GUCD1: variants seen among roughly 807,000 people sequenced by gnomAD.
GUCD1 encodes protein GUCD1.
GUCD1 carries 17 observed loss-of-function variants against 28.3 expected under a neutral mutation model. The ratio of observed to expected loss-of-function variants is 0.60; its 90% confidence interval spans 0.41 to 0.90. The LOEUF (loss-of-function observed/expected upper bound fraction) is 0.90. GUCD1 is among the 40% of genes least tolerant of loss of function. The pLI is 0.00. For missense variants in GUCD1, 279 were observed against 305.5 expected, an observed-to-expected ratio of 0.91 and a Z score of 0.65; for synonymous variants, 129 against 123.3, an observed-to-expected ratio of 1.05 and a Z score of -0.30.
chr22:24,542,872 C>T lies in GUCD1; in HGVS notation c.*134G>A. The T allele has an allele frequency of 1.5e-6, 1 of 683,456 alleles. No individual in the cohort carries two copies. The allele number at this position is 683,456 out of a possible 1,614,324, so 42.3% of individuals were successfully genotyped here. A position where few individuals can be genotyped will look rare whatever the true frequency, so the allele number is the denominator to read the frequency against. On this transcript the variant is annotated 3_prime_UTR_variant, in exon 6 of 6. Coordinates refer to ENST00000435822, the MANE Select transcript of GUCD1 (RefSeq NM_001284254.2). The stretch of plus-strand genomic sequence containing the variant: ...TGTGCCAGTCTCCGAGTTCCTGGGA[C>T]TCTGCCAGATGGGCTGAGGCTGCAG...
chr22:24,546,839 C>T lies in GUCD1; in HGVS notation c.386+75G>A, dbSNP rs73879081. On this transcript the variant is annotated intron_variant, in intron 4 of 5. Coordinates refer to ENST00000435822, the MANE Select transcript of GUCD1 (RefSeq NM_001284254.2). ...TCCTAGCCTTTCCTGAACACCATCC[C>T]GAGGCCTCCCCACTGCAGATCTGTG... 3.0e-3 allele frequency: 3,921 copies of T among 1,322,742 alleles called. 90 individuals are homozygous for T. The African/African-American group carries it at 0.05, about 17-fold the overall frequency. The allele number at this position is 1,322,742 out of a possible 1,614,324, so 81.9% of individuals were successfully genotyped here.
In GUCD1 at chr22:24,544,019, T is replaced by C. The variant is rs1484599392; in HGVS notation, c.451A>G (p.Asn151Asp). 4 of 1,613,140 alleles carry C rather than the reference T, an allele frequency of 2.5e-6. No individual in the cohort carries two copies. The South Asian group carries it at 3.3e-5, about 13-fold the overall frequency. Residue 151 changes from asparagine (N) to aspartate (D), a missense_variant, in exon 5 of 6, where the codon AAC (asparagine) becomes GAC (aspartate). Transcript: ENST00000435822. ...AGGTCACAGTGCAGCACCCCCGAGT[T>C]CACCAGCACGATGGCCACATGGCCC... ...AQGHVAIVLV[N>D]SGVLHCDLCS...
At chr22:24,554,877 AC>A in intron 1 of GUCD1, 71 bp downstream of exon 1, 1 of 1,273,950 alleles carries the variant, frequency 7.8e-7, no homozygotes, top group South Asian at 1.2e-5. Flanking sequence ...GCGCGACTGG[AC>A]CCTGCCCCGC....
At chr22:24,553,942 T>G (rs1482453857) in intron 1 of GUCD1, among the ~76,000 whole-genome samples, 1 of 152,278 alleles carries the variant, frequency 6.6e-6, no homozygotes, top group Admixed American at 6.5e-5. Context: ...AGCCAGACGT[T>G]GCTGCCTGGA....
At chr22:24,543,123 G>A (rs766497349) in intron 5 of GUCD1, 26 bp from the exon 6 acceptor site, 10 of 1,560,908 alleles carry the variant, frequency 6.4e-6, no homozygotes, top group East Asian at 2.2e-5. Context: ...AAGGCAGAAC[G>A]GGGTCAGTGG....
chr22:24,555,701 C>G, upstream of GUCD1: 1 of 1,550,690 alleles, frequency 6.4e-7, no homozygotes, highest in Non-Finnish European at 8.7e-7. Context: ...TCTGAGGGCC[C>G]AAGCCCCGCG....
At position 24,544,061 on chromosome 22, in the gene GUCD1, G is replaced by A. The variant is rs2044663395; in HGVS notation, c.409C>T (p.Gln137Ter). The change falls in exon 5 of 6, where the codon CAG becomes TAG. Residue 137 changes from glutamine to a stop codon, truncating the protein, a stop_gained. Transcript: ENST00000435822. LOFTEE classifies it high-confidence loss of function. ...ACATGGCCCTGAGCCAGGTGCGCCT[G>A]GATGTCCTTCACACTCACTGTGCTG... ...EKCTVSVKDIQAHLAQGHVAI... is the reference protein window; with the variant it reads ...EKCTVSVKDI The A allele has an allele frequency of 6.2e-7, 1 of 1,612,312 alleles. No homozygotes were observed. Among genetic ancestry groups the A allele is most frequent in the Non-Finnish European group, 8.5e-7 (1 of 1,178,838 alleles).
upstream of GUCD1, chr22:24,555,692 C>A: frequency 6.4e-7 from 1 of 1,550,672 alleles, no homozygotes. Context: ...TGTCCCCGGT[C>A]TGAGGGCCCA....
At chr22:24,554,325 G>C (rs184885569) in intron 1 of GUCD1, among the ~76,000 whole-genome samples, 1 of 152,328 alleles carries the variant, frequency 6.6e-6, no homozygotes, top group East Asian at 1.9e-4. Flanking sequence ...CACTCCCTGG[G>C]AGTGACACCT....
chr22:24,541,039 C>A lies in GUCD1; in HGVS notation c.*1967G>T. 1 of 169,946 alleles carries A rather than the reference C, an allele frequency of 5.9e-6. No individual in the cohort carries two copies. 10.5% of individuals were successfully genotyped at this position (169,946 alleles called of 1,614,324 possible). ...ACACCACCTGAAGATGCCCACACCCCACAGCTGCTGTGCATGGGTACTCCT... is the reference window on the plus strand; with the variant it reads ...ACACCACCTGAAGATGCCCACACCCAACAGCTGCTGTGCATGGGTACTCCT... On this transcript the variant is annotated 3_prime_UTR_variant, in exon 6 of 6. Coordinates refer to ENST00000435822, the MANE Select transcript of GUCD1 (RefSeq NM_001284254.2).
chr22:24,555,202 T>G (rs1344711187), upstream of GUCD1: 13 of 1,299,168 alleles, frequency 1.0e-5, no homozygotes, highest in African/African-American at 1.6e-5. Flanking sequence ...GCCCCCTCCT[T>G]AGGCCCCGCC....
upstream of GUCD1, chr22:24,555,737 C>T: frequency 6.4e-7 from 1 of 1,550,670 alleles, no homozygotes; most frequent in Non-Finnish European, 8.7e-7. Context: ...CCAGCCTGTC[C>T]TTGGTGTGGG....
intron 4 of GUCD1, 55 bp from the exon 5 acceptor site, chr22:24,544,138 CAAATGGATCCCTGCTTGTGCCTG>C: frequency 6.3e-7 from 1 of 1,578,140 alleles, no homozygotes; most frequent in South Asian, 1.1e-5. Context: ...CCCCATCCCT[CAAATGGATCCCTGCTTGTGCCTG>C]TTTCTCTGTT....
intron 1 of GUCD1, among the ~76,000 whole-genome samples, chr22:24,551,794 T>A (rs902804849): frequency 2.6e-5 from 4 of 152,258 alleles, no homozygotes; most frequent in Admixed American, 1.3e-4. Flanking sequence ...GCAAGCTTCC[T>A]GAAGGCAGGT....
intron 1 of GUCD1, among the ~76,000 whole-genome samples, chr22:24,554,557 G>A (rs557341208): frequency 2.0e-5 from 3 of 152,242 alleles, no homozygotes; most frequent in African/African-American, 7.2e-5. Flanking sequence ...GCGTGGCAGA[G>A]AGAACGAAAG....
intron 5 of GUCD1, 49 bp downstream of exon 5, chr22:24,543,793 A>C: frequency 6.3e-7 from 1 of 1,598,502 alleles, no homozygotes. Flanking sequence ...GGGCATACAG[A>C]ACAGTGAATG....
chr22:24,550,376 G>A (rs1432846757), intron 1 of GUCD1, among the ~76,000 whole-genome samples: 1 of 152,224 alleles, frequency 6.6e-6, no homozygotes, highest in East Asian at 1.9e-4. Flanking sequence ...GTGTGCCTTA[G>A]AGGGGATGGG....
intron 2 of GUCD1, 22 bp from the exon 3 acceptor site, chr22:24,548,095 A>G (rs1373376010): frequency 1.4e-5 from 23 of 1,609,502 alleles, no homozygotes; most frequent in Non-Finnish European, 1.9e-5. Flanking sequence ...CGAGCTGGGG[A>G]GCTCAGCTTG....
intron 4 of GUCD1, among the ~76,000 whole-genome samples, chr22:24,545,779 A>C (rs375084177): frequency 3.3e-5 from 5 of 150,558 alleles, no homozygotes; most frequent in African/African-American, 1.2e-4. Flanking sequence ...AATTTTTTGT[A>C]TTTTTAGTAG....
Sources: gnomAD v4.1 joint callset for allele counts (sites outside exome capture counted in the v4.1 genomes callset) on GRCh38, gnomAD v4.1.1 for gene constraint, MANE v1.5 for transcripts, NCBI Gene and HGNC (gene_info 2026-07-23, HGNC 2026-07-21) for gene names.